The following MAP2 variants were observed in gnomAD, a reference collection of about 807,000 sequenced individuals.
The protein encoded by MAP2 is microtubule associated protein 2, also known as microtubule-associated protein 2.
In MAP2, 14 loss-of-function variants were observed where a neutral mutation model predicts 137.6. The ratio of observed to expected loss-of-function variants is 0.10; its 90% confidence interval spans 0.07 to 0.16. The LOEUF is 0.16. MAP2 is among the 10% of genes least tolerant of loss of function. The probability of loss-of-function intolerance (pLI) is 1.00; values close to 1 mark genes in which losing one functional copy is unlikely to be tolerated. For missense variants in MAP2, 2,088 were observed against 2,191.5 expected, an observed-to-expected ratio of 0.95 and a Z score of 0.94; for synonymous variants, 786 against 782.3, an observed-to-expected ratio of 1.00 and a Z score of -0.08.
rs557962917 is a variant in MAP2 at position 209,470,635 on chromosome 2, G to A, written c.-221-36957G>A. On this transcript the variant is annotated intron_variant, in intron 1 of 15. Transcript: ENST00000682079. ...CACCAAAAGTTTCTCAACCTCACCCGCATTAACAGCCACTGCCCCTGGCTG... is the reference window on the plus strand; with the variant it reads ...CACCAAAAGTTTCTCAACCTCACCCACATTAACAGCCACTGCCCCTGGCTG... 1.7e-4 allele frequency among the ~76,000 whole-genome samples: 26 copies of A among 151,990 alleles called. No individual in the cohort carries two copies. In the South Asian group the frequency reaches 2.5e-3, roughly 15 times the overall value.
At chr2:209,624,455 C>CCACA (rs1320012269) in intron 3 of MAP2, among the ~76,000 whole-genome samples, 1 of 152,090 alleles carries the variant, frequency 6.6e-6, no homozygotes, top group Non-Finnish European at 1.5e-5. Context: ...CTGTTTATTT[C>CCACA]TACATACCAC....
At chr2:209,665,616 T>C (rs1388622341) in intron 5 of MAP2, among the ~76,000 whole-genome samples, 1 of 152,172 alleles carries the variant, frequency 6.6e-6, no homozygotes, top group African/African-American at 2.4e-5. Flanking sequence ...GGAAAGATAT[T>C]ATGTATCCTA....
At chr2:209,690,941 T>C in intron 7 of MAP2, 3 of 1,128,994 alleles carry the variant, frequency 2.7e-6, no homozygotes, top group African/African-American at 3.3e-5. Context: ...ATTTCGCTAT[T>C]TCATCGCTGG....
Position 209,633,120 on chromosome 2 carries a change from A to T in MAP2, c.-30+7991A>T, listed in dbSNP as rs563266263. Among the ~76,000 whole-genome samples, 16 of 152,132 alleles carry T rather than the reference A, an allele frequency of 1.1e-4. No homozygotes were observed. The South Asian group carries it at 3.3e-3, about 32-fold the overall frequency. ...ATTCTAACCTCAGCAGGTGACTTGTACTTCCTCAATTTAATTATTTATTTT... is the reference window on the plus strand; with the variant it reads ...ATTCTAACCTCAGCAGGTGACTTGTTCTTCCTCAATTTAATTATTTATTTT... On this transcript the variant is annotated intron_variant, in intron 4 of 15. Coordinates refer to ENST00000682079, the MANE Select transcript of MAP2 (RefSeq NM_001375505.1).
chr2:209,492,738 G>A (rs1218873294), intron 1 of MAP2, among the ~76,000 whole-genome samples: 2 of 152,184 alleles, frequency 1.3e-5, no homozygotes, highest in African/African-American at 2.4e-5. Context: ...ACAAGGATGT[G>A]AAGGACCTCT....
intron 4 of MAP2, among the ~76,000 whole-genome samples, chr2:209,636,140 C>T (rs2093542367): frequency 1.3e-5 from 2 of 152,098 alleles, no homozygotes; most frequent in South Asian, 2.1e-4. Flanking sequence ...TCAGTAATTA[C>T]TACAGAAGGC....
chr2:209,729,398 T>C (rs2075289125), intron 14 of MAP2, among the ~76,000 whole-genome samples: 1 of 152,234 alleles, frequency 6.6e-6, no homozygotes, highest in East Asian at 1.9e-4. Flanking sequence ...ACTTCCAGCC[T>C]AAATCTTCTT....
intron 1 of MAP2, among the ~76,000 whole-genome samples, chr2:209,451,545 A>G (rs942840730): frequency 6.6e-6 from 1 of 152,074 alleles, no homozygotes. Context: ...AGGTGGTAAC[A>G]GTTTTCTACT....
At chr2:209,468,233 A>G (rs1704639817) in intron 1 of MAP2, among the ~76,000 whole-genome samples, 1 of 149,474 alleles carries the variant, frequency 6.7e-6, no homozygotes, top group Non-Finnish European at 1.5e-5. Context: ...CTGATCATTA[A>G]TTTTTCACAT....
At chr2:209,555,047 A>T (rs190528332) in intron 2 of MAP2, among the ~76,000 whole-genome samples, 2 of 151,594 alleles carry the variant, frequency 1.3e-5, no homozygotes, top group East Asian at 3.9e-4. Flanking sequence ...GGCAAATATA[A>T]TCATAAATCC....
At chr2:209,679,976 A>G (rs185949103) in intron 6 of MAP2, among the ~76,000 whole-genome samples, 5 of 152,296 alleles carry the variant, frequency 3.3e-5, no homozygotes, top group African/African-American at 1.2e-4. Context: ...GCCTTAAATG[A>G]GAAATATTTC....
chr2:209,478,050 T>C (rs1229238422), intron 1 of MAP2, among the ~76,000 whole-genome samples: 2 of 152,102 alleles, frequency 1.3e-5, no homozygotes, highest in African/African-American at 2.4e-5. Context: ...TTACTCTTAT[T>C]CTATTGTATT....
At chr2:209,660,453 G>A (rs1218878175) in intron 5 of MAP2, among the ~76,000 whole-genome samples, 1 of 141,828 alleles carries the variant, frequency 7.1e-6, no homozygotes, top group Admixed American at 7.3e-5. Context: ...GAGTGCAGTG[G>A]CGCGATCTCG....
Position 209,696,913 on chromosome 2 carries a change from A to T in MAP2, c.4388-4A>T. On this transcript the variant is annotated splice_polypyrimidine_tract_variant and splice_region_variant and intron_variant, in intron 9 of 15. Coordinates refer to ENST00000682079, the MANE Select transcript of MAP2 (RefSeq NM_001375505.1). ...GTATGCTTTTTGTGTTTTCTTATTC[A>T]TAGCAGTTTATAAGAAGGCTGAACT... 6.3e-7 allele frequency: 1 copy of T among 1,593,786 alleles called. No individual in the cohort carries two copies.
intron 5 of MAP2, among the ~76,000 whole-genome samples, chr2:209,670,459 A>G (rs1296616986): frequency 1.3e-5 from 2 of 151,892 alleles, no homozygotes; most frequent in Non-Finnish European, 2.9e-5. Flanking sequence ...ACTATCTCTG[A>G]TCTGTGCTTT....
chr2:209,561,857 A>T (rs1022519263), intron 2 of MAP2, among the ~76,000 whole-genome samples: 6 of 152,188 alleles, frequency 3.9e-5, no homozygotes, highest in African/African-American at 1.4e-4. Context: ...CACCAACTTA[A>T]TGTAAGGCAC....
intron 7 of MAP2, chr2:209,690,969 C>G (rs2058690276): frequency 1.0e-6 from 1 of 974,734 alleles, no homozygotes; most frequent in Non-Finnish European, 1.3e-6. Flanking sequence ...GATAACAAGT[C>G]CACTGTTGTA....
At chr2:209,668,366 CAGAGATATTTTCTAA>C (rs1325932295) in intron 5 of MAP2, among the ~76,000 whole-genome samples, 1 of 151,902 alleles carries the variant, frequency 6.6e-6, no homozygotes, top group Admixed American at 6.6e-5. Context: ...ACAAACGCCC[CAGAGATATTTTCTAA>C]AGATTTGTAT....
chr2:209,705,550 C>A, intron 11 of MAP2, 30 bp from the exon 12 acceptor site: 6 of 1,545,022 alleles, frequency 3.9e-6, no homozygotes, highest in South Asian at 3.8e-5. Flanking sequence ...GTTACAAGAA[C>A]CCAATGTTCT....
Sources: allele counts gnomAD v4.1 joint callset (sites outside exome capture counted in the v4.1 genomes callset), GRCh38; gene constraint gnomAD v4.1.1; transcripts MANE v1.5; gene names NCBI Gene and HGNC (gene_info 2026-07-23, HGNC 2026-07-21).